Variants in GALNTL6 observed in about 807,000 individuals in gnomAD.
GALNTL6 encodes the protein polypeptide N-acetylgalactosaminyltransferase like 6.
Under a neutral mutation model 73.7 loss-of-function variants are expected in GALNTL6, and 46 were observed. The ratio of observed to expected loss-of-function variants is 0.62; its 90% CI spans 0.49 to 0.80. GALNTL6 has a LOEUF of 0.80. GALNTL6 is among the 30% of genes least tolerant of loss of function. The pLI, the probability that GALNTL6 is intolerant of heterozygous loss-of-function variation, is 0.00. For synonymous variants in GALNTL6, 259 were observed against 263.7 expected (o/e 0.98, Z 0.17); for missense variants, 604 against 755.0 (o/e 0.80, Z 2.34).
At position 172,907,943 on chromosome 4, in the gene GALNTL6, C is replaced by G. The variant is rs1254287494; in HGVS notation, c.1042-23218C>G. Among the ~76,000 whole-genome samples the G allele has an allele frequency of 4.6e-5, 7 of 152,252 alleles. No homozygotes were observed. In the South Asian group the frequency reaches 1.0e-3, roughly 23 times the overall value. On this transcript the variant is annotated intron_variant, in intron 8 of 12. Transcript: ENST00000506823. ...AGCTTCTCTGGCACATTTCAGTTGC[C>G]AGAGTCATCACTCTTGCATTTGGGG...
chr4:172,441,677 G>A lies in GALNTL6; in HGVS notation c.553+92988G>A, dbSNP rs183098917. On this transcript the variant is annotated intron_variant, in intron 5 of 12. Coordinates refer to ENST00000506823, the MANE Select transcript of GALNTL6 (RefSeq NM_001034845.3). ...GCTGGGCTTAATGAGAGAAAAATCC[G>A]TGTTTTAGATAAATTTCGTTCAGGC... is the stretch of plus-strand genomic sequence containing the variant. Among the ~76,000 whole-genome samples, 37 of 152,210 alleles carry A rather than the reference G, an allele frequency of 2.4e-4. No individual in the cohort carries two copies. In the East Asian group the frequency reaches 4.6e-3, roughly 19 times the overall value.
At chr4:172,212,506 T>C (rs575808898) in intron 2 of GALNTL6, among the ~76,000 whole-genome samples, 3 of 152,190 alleles carry the variant, frequency 2.0e-5, no homozygotes, top group Admixed American at 2.0e-4. Flanking sequence ...CTGTTTTTCA[T>C]GTAAAATATA....
rs369504518 is a variant in GALNTL6, at chr4:172,989,300, G to GT, written c.1372-19872dup. 1.9e-3 allele frequency among the ~76,000 whole-genome samples: 290 copies of GT among 152,274 alleles called. 1 individual carries two copies. The highest frequency in any genetic ancestry group is 6.6e-3 in the African/African-American group (273 of 41,560). On this transcript the variant is annotated intron_variant, in intron 10 of 12. Transcript: ENST00000506823. ...ATTGTATCTTGGACATAACTAACTTGTTTTTTATTTTACATAGGCAGAAGG... is the reference window on the plus strand; with the variant it reads ...ATTGTATCTTGGACATAACTAACTTGTTTTTTTATTTTACATAGGCAGAAGG...
intron 5 of GALNTL6, among the ~76,000 whole-genome samples, chr4:172,591,847 A>G (rs1737649640): frequency 6.6e-6 from 1 of 152,196 alleles, no homozygotes; most frequent in African/African-American, 2.4e-5. Flanking sequence ...ATATGGGTTC[A>G]TGTAGGTATT....
intron 2 of GALNTL6, among the ~76,000 whole-genome samples, chr4:171,956,036 C>T (rs1416849740): frequency 6.6e-6 from 1 of 151,888 alleles, no homozygotes. Context: ...CATTCTGTCA[C>T]CTGTCACCCA....
intron 2 of GALNTL6, among the ~76,000 whole-genome samples, chr4:172,027,200 C>T (rs1741614364): frequency 6.6e-6 from 1 of 152,096 alleles, no homozygotes; most frequent in South Asian, 2.1e-4. Flanking sequence ...CTGGCCTGCG[C>T]TTTACTTTCT....
intron 5 of GALNTL6, among the ~76,000 whole-genome samples, chr4:172,580,973 G>A (rs1737162779): frequency 6.6e-6 from 1 of 152,152 alleles, no homozygotes; most frequent in Non-Finnish European, 1.5e-5. Flanking sequence ...TGTTGGTCAG[G>A]CTGGTCTCAA....
At chr4:172,342,295 G>A (rs73868966) in intron 4 of GALNTL6, among the ~76,000 whole-genome samples, 3,765 of 152,028 alleles carry the variant, frequency 0.025, 159 homozygotes, top group African/African-American at 0.085. Flanking sequence ...ATGCCTTAAA[G>A]GGCCAATGAT....
chr4:172,971,819 T>C (rs1306502725), intron 10 of GALNTL6, among the ~76,000 whole-genome samples: 1 of 152,132 alleles, frequency 6.6e-6, no homozygotes, highest in Non-Finnish European at 1.5e-5. Flanking sequence ...AAAGACCTTC[T>C]AGATAACAGT....
intron 9 of GALNTL6, among the ~76,000 whole-genome samples, chr4:172,938,932 C>T (rs1294709341): frequency 2.6e-5 from 4 of 152,222 alleles, no homozygotes; most frequent in African/African-American, 9.6e-5. Context: ...CTGTCTAATA[C>T]TTTTGCTCAA....
chr4:172,544,649 A>C (rs1735685645), intron 5 of GALNTL6, among the ~76,000 whole-genome samples: 1 of 152,138 alleles, frequency 6.6e-6, no homozygotes, highest in African/African-American at 2.4e-5. Context: ...TTTTCTCTAG[A>C]GGATTCTTTT....
intron 5 of GALNTL6, among the ~76,000 whole-genome samples, chr4:172,441,173 A>G (rs1412382844): frequency 1.3e-5 from 2 of 152,084 alleles, no homozygotes; most frequent in African/African-American, 2.4e-5. Context: ...TTATTCAACT[A>G]TCCATCTATT....
chr4:172,324,293 C>T (rs1221311876), intron 4 of GALNTL6, among the ~76,000 whole-genome samples: 1 of 151,788 alleles, frequency 6.6e-6, no homozygotes, highest in Non-Finnish European at 1.5e-5. Flanking sequence ...GTTACTTGAA[C>T]AAACTTATTA....
intron 5 of GALNTL6, among the ~76,000 whole-genome samples, chr4:172,599,493 A>G (rs199965654): frequency 6.6e-6 from 1 of 152,192 alleles, no homozygotes; most frequent in East Asian, 1.9e-4. Flanking sequence ...TTATTAACAA[A>G]CAGCCACTGG....
chr4:172,812,056 G>GGATA, intron 6 of GALNTL6, among the ~76,000 whole-genome samples: 2 of 140,206 alleles, frequency 1.4e-5, no homozygotes, highest in Middle Eastern at 7.7e-3. Context: ...ATGGATGGAT[G>GGATA]GATGAACAGA....
rs529182116 is a variant in GALNTL6 at position 172,294,778 on chromosome 4, A to G, written c.248-16836A>G. ...ATGTTAACGTGTAATATTTAACAGG[A>G]TTTCTCCTGCATTGTCTCAGACAAG... is the stretch of plus-strand genomic sequence containing the variant. On this transcript the variant is annotated intron_variant, in intron 3 of 12. Transcript: ENST00000506823. Among the ~76,000 whole-genome samples the G allele has an allele frequency of 2.6e-5, 4 of 152,288 alleles. 1 individual carries two copies. Among genetic ancestry groups the G allele is most frequent in the Admixed American group, 1.3e-4 (2 of 15,304 alleles).
At position 172,336,274 on chromosome 4, in the gene GALNTL6, TG is replaced by T. The variant is rs200519998; in HGVS notation, c.387-12248del. The stretch of plus-strand genomic sequence containing the variant: ...AACTCTTCTTGGTATAGTTTTGTTT[TG>T]TTTTTTTTTTTTTTTGACTGAGTCT... On this transcript the variant is annotated intron_variant, in intron 4 of 12. Coordinates refer to ENST00000506823, the MANE Select transcript of GALNTL6 (RefSeq NM_001034845.3). 4.6e-4 allele frequency among the ~76,000 whole-genome samples: 61 copies of T among 132,868 alleles called. 10 individuals carry two copies. Among genetic ancestry groups the T allele is most frequent in the Middle Eastern group, 3.6e-3 (1 of 276 alleles). The allele number at this position is 132,868 out of a possible 152,430, so 87.2% of individuals were successfully genotyped here.
At chr4:172,478,454 G>A (rs1274726836) in intron 5 of GALNTL6, among the ~76,000 whole-genome samples, 6 of 152,156 alleles carry the variant, frequency 3.9e-5, no homozygotes, top group Admixed American at 3.3e-4. Context: ...AAATTGGATA[G>A]ACATAGGCAG....
intron 5 of GALNTL6, among the ~76,000 whole-genome samples, chr4:172,748,504 A>C (rs1465653594): frequency 6.6e-6 from 1 of 152,052 alleles, no homozygotes; most frequent in Non-Finnish European, 1.5e-5. Context: ...ATAATGAAAC[A>C]ACATGGAAAA....
Sources: allele counts gnomAD v4.1 joint callset (sites outside exome capture counted in the v4.1 genomes callset), GRCh38; gene constraint gnomAD v4.1.1; transcripts MANE v1.5; gene names NCBI Gene and HGNC (gene_info 2026-07-23, HGNC 2026-07-21).